FLT4: variants seen among roughly 807,000 people sequenced by gnomAD.
FLT4 encodes fms related receptor tyrosine kinase 4.
FLT4 carries 30 observed loss-of-function variants against 163.2 expected under a neutral mutation model. That is an observed-to-expected ratio of 0.18 (90% confidence interval 0.14 to 0.25). The LOEUF is 0.25. FLT4 is among the 10% of genes least tolerant of loss of function. The probability of loss-of-function intolerance (pLI) is 1.00; values close to 1 mark genes in which losing one functional copy is unlikely to be tolerated. For synonymous variants in FLT4, 884 were observed against 789.5 expected (o/e 1.12, Z -2.01); for missense variants, 1,510 against 1,863.8 (o/e 0.81, Z 3.50).
intron 29 of FLT4, among the ~76,000 whole-genome samples, chr5:180,606,981 G>A (rs1222272098): frequency 1.3e-5 from 2 of 152,136 alleles, no homozygotes; most frequent in Non-Finnish European, 2.9e-5. Flanking sequence ...AAGAGGCTGA[G>A]GCAGGATAAT....
chr5:180,632,657 C>T (rs1581686269), intron 1 of FLT4, among the ~76,000 whole-genome samples: 1 of 151,910 alleles, frequency 6.6e-6, no homozygotes, highest in East Asian at 1.9e-4. Context: ...CCTCCATGTG[C>T]ATCTGTAACT....
chr5:180,609,961 T>A lies in FLT4; in HGVS notation c.3751A>T (p.Arg1251Trp). ...ARGAETRGSS[R>W]MKTFEEFPMT... is the part of the protein sequence containing the mutation. ...GGGAATTCCTCAAATGTCTTCATCC[T>A]GGAGGAACCACGGGTCTCAGCCCCT... The change falls in exon 28 of 30, where the codon AGG (arginine) becomes TGG (tryptophan). Residue 1251 changes from arginine (R) to tryptophan (W), a missense_variant. This residue lies in a region of FLT4 where 295 missense variants were observed against 311.0 expected (regional missense o/e 0.95). Transcript: ENST00000261937. The A allele has an allele frequency of 3.1e-6, 5 of 1,614,198 alleles. No homozygotes were observed. Among genetic ancestry groups the A allele is most frequent in the Non-Finnish European group, 4.2e-6 (5 of 1,180,004 alleles).
intron 29 of FLT4, among the ~76,000 whole-genome samples, chr5:180,607,404 AG>A (rs1761859914): frequency 6.6e-6 from 1 of 152,090 alleles, no homozygotes; most frequent in African/African-American, 2.4e-5. Flanking sequence ...TGGGAGGCCG[AG>A]GGCGGGCGGA....
Position 180,620,756 on chromosome 5 carries a change from G to GTGTGTT in FLT4, c.2300-42_2300-41insAACACA. 1 of 1,577,536 alleles carries GTGTGTT rather than the reference G, an allele frequency of 6.3e-7. No homozygotes were observed. The highest frequency in any genetic ancestry group is 8.7e-7 in the Non-Finnish European group (1 of 1,149,006). ...GGGGCCGGCGTGTGTGTGTGTGTGT[G>GTGTGTT]TAAGAGCGTGCACCTGCAGGCAGCA... On this transcript the variant is annotated intron_variant, in intron 15 of 29. Coordinates refer to ENST00000261937, the MANE Select transcript of FLT4 (RefSeq NM_182925.5). The surrounding 1 kb of genome is among the most constrained non-coding windows in gnomAD (Gnocchi z 4.4).
At chr5:180,609,808 G>A in intron 28 of FLT4, 97 bp downstream of exon 28, 1 of 1,465,438 alleles carries the variant, frequency 6.8e-7, no homozygotes, top group South Asian at 1.1e-5. Flanking sequence ...CAGTCGTTGG[G>A]TTCTGCCATT....
intron 1 of FLT4, among the ~76,000 whole-genome samples, chr5:180,634,051 T>A (rs1764371610): frequency 6.6e-6 from 1 of 152,116 alleles, no homozygotes; most frequent in Non-Finnish European, 1.5e-5. Context: ...TAAAGCAAGG[T>A]GGGCTGGGCC....
At chr5:180,641,725 C>T (rs1178126079) in intron 1 of FLT4, among the ~76,000 whole-genome samples, 5 of 152,360 alleles carry the variant, frequency 3.3e-5, no homozygotes, top group South Asian at 4.1e-4. Flanking sequence ...GGCTGTCGGT[C>T]CTCACTGCAC....
intron 28 of FLT4, chr5:180,609,407 G>A: frequency 2.3e-6 from 1 of 435,590 alleles, no homozygotes; most frequent in Non-Finnish European, 4.3e-6. Context: ...AACGATCCAT[G>A]TGAGGCTGCC....
Position 180,601,664 on chromosome 5 carries a change from G to A in FLT4, c.*1528C>T, listed in dbSNP as rs1469117321. On this transcript the variant is annotated 3_prime_UTR_variant, in exon 30 of 30. Transcript: ENST00000261937. ...AGAAGGGAGCAGAGGTGCGCGCCAG[G>A]AGCCAGGCTGGTTCTCTGCAGAGAA... The A allele has an allele frequency of 4.3e-6, 1 of 233,218 alleles. No homozygotes were observed. The highest frequency in any genetic ancestry group is 2.2e-5 in the African/African-American group (1 of 45,330). The allele number at this position is 233,218 out of a possible 1,614,324, so 14.4% of individuals were successfully genotyped here.
Position 180,636,806 on chromosome 5 carries a change from G to T in FLT4, c.59-5028C>A, listed in dbSNP as rs141190817. Among the ~76,000 whole-genome samples the T allele has an allele frequency of 2.6e-3, 397 of 151,986 alleles. 3 individuals are homozygous for T. The highest frequency in any genetic ancestry group is 9.0e-3 in the African/African-American group (373 of 41,412). ...CTTCAGCCTCATCAAAGCCCCCACT[G>T]CTTCCTCCCCACCCCTTGGTGCCCT... On this transcript the variant is annotated intron_variant, in intron 1 of 29. Coordinates refer to ENST00000261937, the MANE Select transcript of FLT4 (RefSeq NM_182925.5). This position sits in a 1 kb window ranked among gnomAD's most constrained non-coding sequence, Gnocchi z 4.3.
At chr5:180,624,339 G>A (rs1763430566) in intron 10 of FLT4, among the ~76,000 whole-genome samples, 1 of 151,248 alleles carries the variant, frequency 6.6e-6, no homozygotes, top group African/African-American at 2.4e-5. Flanking sequence ...CGATTCTCCT[G>A]CCTCAGCCTC....
intron 29 of FLT4, chr5:180,608,298 GC>G: frequency 2.9e-6 from 2 of 700,812 alleles, no homozygotes; most frequent in Non-Finnish European, 2.6e-6. Flanking sequence ...AGAGGGAAGG[GC>G]CCCGTCCCAT....
chr5:180,626,084 C>T (rs1388891837), intron 9 of FLT4, 27 bp downstream of exon 9: 9 of 1,612,656 alleles, frequency 5.6e-6, no homozygotes, highest in South Asian at 1.1e-5. Context: ...GGCCGCCCAC[C>T]CGTGCGCTCT....
At position 180,626,035 on chromosome 5, in the gene FLT4, T is replaced by A; in HGVS notation, c.1259-4A>T. On this transcript the variant is annotated splice_region_variant and splice_polypyrimidine_tract_variant and intron_variant, in intron 9 of 29. Transcript: ENST00000261937. ...TTCTCATGTATCTGGGGGGGCACTG[T>A]GGGCACACAGATGGCCGGTCAGCTG... The A allele has an allele frequency of 6.2e-7, 1 of 1,612,716 alleles. No homozygotes were observed. Among genetic ancestry groups the A allele is most frequent in the Non-Finnish European group, 8.5e-7 (1 of 1,179,984 alleles).
At chr5:180,633,199 C>T (rs527858262) in intron 1 of FLT4, among the ~76,000 whole-genome samples, 9 of 152,290 alleles carry the variant, frequency 5.9e-5, no homozygotes, top group African/African-American at 1.7e-4. Flanking sequence ...ATGTGGTCAC[C>T]GGTCAATGAT....
Position 180,621,651 on chromosome 5 carries a change from G to C in FLT4, c.1911C>G (p.Ser637Arg), listed in dbSNP as rs148898412. 4.8e-4 allele frequency: 766 copies of C among 1,608,544 alleles called. 4 individuals are homozygous for C. The African/African-American group carries it at 9.2e-3, about 19-fold the overall frequency. ...CGGGCGCGACGCGGGGGATACTCAG[G>C]CTGAGCGTGGCGTGGCGCGCCCCAG... ...VAPGARHATL[S>R]LSIPRVAPEH... Residue 637 changes from serine (S) to arginine (R), a missense_variant, in exon 13 of 30, where the codon AGC becomes AGG. Transcript: ENST00000261937.
At chr5:180,645,976 A>C (rs1765471470) in intron 1 of FLT4, among the ~76,000 whole-genome samples, 1 of 152,110 alleles carries the variant, frequency 6.6e-6, no homozygotes, top group South Asian at 2.1e-4. Context: ...GGTGGAGAGA[A>C]AACTGCCCTG....
chr5:180,603,518 C>A, intron 29 of FLT4, 128 bp from the exon 30 acceptor site: 3 of 833,318 alleles, frequency 3.6e-6, no homozygotes, highest in Middle Eastern at 6.1e-4. Context: ...TAGAGTCCAG[C>A]CCAGGCAACA....
At position 180,602,959 on chromosome 5, in the gene FLT4, G is replaced by C; in HGVS notation, c.*233C>G. 1.7e-6 allele frequency: 1 copy of C among 598,348 alleles called. No individual in the cohort carries two copies. Among genetic ancestry groups the C allele is most frequent in the Non-Finnish European group, 3.0e-6 (1 of 335,148 alleles). 37.1% of individuals were successfully genotyped at this position (598,348 alleles called of 1,614,324 possible). A position where few individuals can be genotyped will look rare whatever the true frequency, so the allele number is the denominator to read the frequency against. On this transcript the variant is annotated 3_prime_UTR_variant, in exon 30 of 30. Coordinates refer to ENST00000261937, the MANE Select transcript of FLT4 (RefSeq NM_182925.5). ...TGAACTAAATGACATCTGAATCTCA[G>C]GGGGAGGGGCCGGGGCAGCTGGAGC...
Sources: gnomAD v4.1 joint callset for allele counts (sites outside exome capture counted in the v4.1 genomes callset) on GRCh38, gnomAD v4.1.1 for gene constraint, gnomAD v4.1.1 regional missense constraint, Gnocchi (gnomAD v3.1) non-coding constraint, MANE v1.5 for transcripts, NCBI Gene and HGNC (gene_info 2026-07-23, HGNC 2026-07-21) for gene names.